The following WFDC1 variants were observed in gnomAD, a reference collection of about 807,000 sequenced individuals.
WFDC1 encodes WAP four-disulfide core domain 1, also known as WAP four-disulfide core domain protein 1.
In WFDC1, 39 loss-of-function variants were observed where a neutral mutation model predicts 32.9. That is an observed-to-expected ratio of 1.19 (90% confidence interval 0.92 to 1.55). The LOEUF (loss-of-function observed/expected upper bound fraction) is 1.55, where lower values mean the gene tolerates loss of function less well. WFDC1 is among the 40% of genes most tolerant of loss of function. The pLI is 0.00. For missense variants in WFDC1, 386 were observed against 309.5 expected (o/e 1.25, Z -1.85); for synonymous variants, 184 against 137.4 (o/e 1.34, Z -2.37).
At position 84,297,784 on chromosome 16, in the gene WFDC1, C is replaced by T. The variant is rs115422289; in HGVS notation, c.144+2669C>T. On this transcript the variant is annotated intron_variant, in intron 1 of 6. Coordinates refer to ENST00000219454, the MANE Select transcript of WFDC1 (RefSeq NM_021197.4). The stretch of plus-strand genomic sequence containing the variant: ...ATGTGCTGTGCAATCTTGGACCACT[C>T]GCTGCCCTTCTCTGGTCCTCAGTCC... 1.4e-3 allele frequency among the ~76,000 whole-genome samples: 211 copies of T among 152,270 alleles called. 1 individual carries two copies. The highest frequency in any genetic ancestry group is 4.7e-3 in the African/African-American group (194 of 41,550).
At chr16:84,308,395 C>T (rs1220160632) in intron 1 of WFDC1, among the ~76,000 whole-genome samples, 1 of 152,180 alleles carries the variant, frequency 6.6e-6, no homozygotes, top group Non-Finnish European at 1.5e-5. Flanking sequence ...TCGGTCCCAG[C>T]CAGGCAGGGA....
At chr16:84,296,005 G>A (rs990292247) in intron 1 of WFDC1, among the ~76,000 whole-genome samples, 2 of 152,176 alleles carry the variant, frequency 1.3e-5, no homozygotes, top group Non-Finnish European at 2.9e-5. Flanking sequence ...TGTGCAGATT[G>A]CAAGTGCTGA....
intron 1 of WFDC1, among the ~76,000 whole-genome samples, chr16:84,311,053 C>A (rs1472809208): frequency 1.3e-5 from 2 of 152,076 alleles, no homozygotes; most frequent in African/African-American, 4.8e-5. Flanking sequence ...TGTGTGTGTG[C>A]AAATGAGCAC....
At chr16:84,309,574 A>C (rs1213193180) in intron 1 of WFDC1, among the ~76,000 whole-genome samples, 1 of 152,096 alleles carries the variant, frequency 6.6e-6, no homozygotes, top group Non-Finnish European at 1.5e-5. Flanking sequence ...GCCGTAACAA[A>C]TGACCACAAA....
At chr16:84,329,060 C>T (rs1009575531) in intron 6 of WFDC1, 3 of 152,208 alleles carry the variant, frequency 2.0e-5, no homozygotes, top group Admixed American at 6.5e-5. Context: ...GCCTCAGCCT[C>T]CTCATCTATA....
At chr16:84,295,232 G>A (rs1176903123) in intron 1 of WFDC1, 117 bp downstream of exon 1, 2 of 1,362,666 alleles carry the variant, frequency 1.5e-6, no homozygotes, top group Non-Finnish European at 1.0e-6. Flanking sequence ...ACGTGGCAAG[G>A]CAGGCGTCTT....
chr16:84,316,309 G>C (rs1016525092), intron 2 of WFDC1: 1 of 152,090 alleles, frequency 6.6e-6, no homozygotes, highest in African/African-American at 2.4e-5. Flanking sequence ...ATTTTTACCA[G>C]TACCCATCAA....
chr16:84,312,926 GC>G (rs998675778), intron 1 of WFDC1, 34 bp from the exon 2 acceptor site: 13 of 1,142,120 alleles, frequency 1.1e-5, no homozygotes, highest in Non-Finnish European at 1.4e-5. Flanking sequence ...TCGAACGCGC[GC>G]CCCAGAGCTG....
At chr16:84,299,319 C>T (rs762137946) in intron 1 of WFDC1, among the ~76,000 whole-genome samples, 20 of 151,584 alleles carry the variant, frequency 1.3e-4, no homozygotes, top group Non-Finnish European at 2.8e-4. Context: ...GAGCCGAGAT[C>T]GTGCCATTGG....
chr16:84,320,821 C>G (rs1387769425), intron 4 of WFDC1, among the ~76,000 whole-genome samples: 1 of 152,108 alleles, frequency 6.6e-6, no homozygotes, highest in African/African-American at 2.4e-5. Flanking sequence ...TACAGTGACC[C>G]TATTTGCCGA....
At chr16:84,306,769 T>TTCATCATCA (rs56850546) in intron 1 of WFDC1, among the ~76,000 whole-genome samples, 26,378 of 151,394 alleles carry the variant, frequency 0.17, 2,828 homozygotes, top group African/African-American at 0.29. Flanking sequence ...CATCCTCATC[T>TTCATCATCA]TCATCATCAT....
chr16:84,296,014 G>A (rs1906575471), intron 1 of WFDC1, among the ~76,000 whole-genome samples: 1 of 152,174 alleles, frequency 6.6e-6, no homozygotes, highest in South Asian at 2.1e-4. Flanking sequence ...TGCAAGTGCT[G>A]AGGAAGCAAT....
At chr16:84,326,175 A>G (rs569883416) in intron 5 of WFDC1, 1 of 149,142 alleles carries the variant, frequency 6.7e-6, no homozygotes, top group Admixed American at 6.7e-5. Context: ...CCATATATCC[A>G]TGCATCCATC....
chr16:84,326,708 G>C, intron 5 of WFDC1, 174 bp from the exon 6 acceptor site: 2 of 652,232 alleles, frequency 3.1e-6, no homozygotes, highest in Non-Finnish European at 5.5e-6. Context: ...ACACCAGCTG[G>C]GGGGCCTGGG....
chr16:84,322,069 A>G (rs1908330514), intron 4 of WFDC1, among the ~76,000 whole-genome samples: 1 of 152,228 alleles, frequency 6.6e-6, no homozygotes, highest in East Asian at 1.9e-4. Context: ...AAGGGAGGAT[A>G]TGAGTTCAGG....
rs1597668464 is a variant in WFDC1, at chr16:84,306,038, AATAAT to A, written c.145-6921_145-6917del. 4.7e-5 allele frequency among the ~76,000 whole-genome samples: 7 copies of A among 149,924 alleles called. 1 individual carries two copies. The East Asian group carries it at 9.8e-4, about 21-fold the overall frequency. ...TAATAATAATAATAATAATAATAAT[AATAAT>A]AATAAAAGGAATAAAAATCAGGTGA... On this transcript the variant is annotated intron_variant, in intron 1 of 6. Transcript: ENST00000219454.
Position 84,295,339 on chromosome 16 carries a change from AAATGTGCCAAAG to A in WFDC1, c.144+228_144+239del, listed in dbSNP as rs140009605. 1,719 of 540,896 alleles carry A rather than the reference AAATGTGCCAAAG, an allele frequency of 3.2e-3. 32 individuals are homozygous for A. Among genetic ancestry groups the A allele is most frequent in the African/African-American group, 0.03 (1,566 of 52,424 alleles). 33.5% of individuals were successfully genotyped at this position (540,896 alleles called of 1,614,324 possible). A position where few individuals can be genotyped will look rare whatever the true frequency, so the allele number is the denominator to read the frequency against. ...AATCAAGAGGCAAAAGACACATCAC[AAATGTGCCAAAG>A]AATCGTGCCTTACTTTTGCCTTGTT... On this transcript the variant is annotated intron_variant, in intron 1 of 6. Coordinates refer to ENST00000219454, the MANE Select transcript of WFDC1 (RefSeq NM_021197.4).
Position 84,318,301 on chromosome 16 carries a change from C to G in WFDC1, c.367C>G (p.Arg123Gly). 1 of 1,614,114 alleles carries G rather than the reference C, an allele frequency of 6.2e-7. No individual in the cohort carries two copies. The highest frequency in any genetic ancestry group is 8.5e-7 in the Non-Finnish European group (1 of 1,179,974). ...VLDWLVQPKP[R>G]WLGGNGWLLD... Reference sequence around the variant, plus strand: ...AGACTGGCTGGTGCAGCCGAAACCTCGATGGCTTGGTGGCAATGGCTGGCT... The same window carrying G: ...AGACTGGCTGGTGCAGCCGAAACCTGGATGGCTTGGTGGCAATGGCTGGCT... The change falls in exon 3 of 7, where the codon CGA becomes GGA. Residue 123 changes from arginine to glycine, a missense_variant. Arg to Gly is a moderately radical substitution (Grantham distance 125). Transcript: ENST00000219454.
chr16:84,310,921 G>C (rs1907578483), intron 1 of WFDC1, among the ~76,000 whole-genome samples: 1 of 152,184 alleles, frequency 6.6e-6, no homozygotes, highest in African/African-American at 2.4e-5. Flanking sequence ...GTTGGGGGAG[G>C]ACTTGTGGGG....
Sources: allele counts gnomAD v4.1 joint callset (sites outside exome capture counted in the v4.1 genomes callset), GRCh38; gene constraint gnomAD v4.1.1; transcripts MANE v1.5; gene names NCBI Gene and HGNC (gene_info 2026-07-23, HGNC 2026-07-21).